The following FEZ2 variants were observed in gnomAD, a reference collection of about 807,000 sequenced individuals.
FEZ2 encodes fasciculation and elongation protein zeta-2.
A neutral mutation model predicts 40.4 loss-of-function variants in FEZ2; 51 were observed. The observed-to-expected ratio is 1.26, with a 90% CI of 1.01 to 1.59. FEZ2 has a LOEUF of 1.59. FEZ2 is among the 40% of genes most tolerant of loss of function. FEZ2 has a pLI of 0.00. For missense variants in FEZ2, 640 were observed against 438.3 expected (o/e 1.46, Z -4.11); for synonymous variants, 242 against 172.0 (o/e 1.41, Z -3.18).
chr2:36,597,359 T>C (rs1377978121), intron 1 of FEZ2, among the ~76,000 whole-genome samples: 1 of 152,232 alleles, frequency 6.6e-6, no homozygotes, highest in Non-Finnish European at 1.5e-5. Context: ...TCACATTTGG[T>C]ACATATAACC....
chr2:36,589,300 T>C (rs912969679), intron 2 of FEZ2, among the ~76,000 whole-genome samples: 2 of 152,210 alleles, frequency 1.3e-5, no homozygotes, highest in South Asian at 4.1e-4. Flanking sequence ...CTAAACCCCG[T>C]GGCACAGATA....
intron 4 of FEZ2, 37 bp from the exon 5 acceptor site, chr2:36,578,902 A>C: frequency 6.4e-7 from 1 of 1,573,836 alleles, no homozygotes; most frequent in Non-Finnish European, 8.6e-7. Flanking sequence ...ATATTAAGAC[A>C]AAAACATTTC....
chr2:36,593,069 A>G (rs951938415), intron 1 of FEZ2, among the ~76,000 whole-genome samples: 1 of 152,224 alleles, frequency 6.6e-6, no homozygotes, highest in African/African-American at 2.4e-5. Flanking sequence ...TTCCTGGATA[A>G]GAAATTTTCA....
chr2:36,590,329 A>T (rs1051058256), intron 2 of FEZ2: 2 of 150,296 alleles, frequency 1.3e-5, no homozygotes, highest in African/African-American at 5.0e-5. Context: ...TATTAAACCA[A>T]AGGCTAGCAT....
At chr2:36,575,733 C>A (rs553656670) in intron 5 of FEZ2, among the ~76,000 whole-genome samples, 1 of 151,470 alleles carries the variant, frequency 6.6e-6, no homozygotes, top group South Asian at 2.1e-4. Flanking sequence ...TTCACCACAA[C>A]AAATATTTAA....
chr2:36,567,697 G>C (rs928977342), intron 5 of FEZ2, among the ~76,000 whole-genome samples: 1 of 151,870 alleles, frequency 6.6e-6, no homozygotes, highest in Non-Finnish European at 1.5e-5. Context: ...GGGAGGCGGA[G>C]GTTGCAGTGA....
At chr2:36,593,065 G>C (rs1669115486) in intron 1 of FEZ2, among the ~76,000 whole-genome samples, 1 of 152,138 alleles carries the variant, frequency 6.6e-6, no homozygotes, top group African/African-American at 2.4e-5. Flanking sequence ...TACCTTCCTG[G>C]ATAAGAAATT....
chr2:36,563,881 C>T (rs929913451), intron 5 of FEZ2, among the ~76,000 whole-genome samples: 4 of 152,218 alleles, frequency 2.6e-5, no homozygotes. Context: ...CCCAACCCTC[C>T]TGCTCTCTAG....
At chr2:36,557,447 G>A (rs1667986133) in intron 6 of FEZ2, 1 of 152,162 alleles carries the variant, frequency 6.6e-6, no homozygotes, top group African/African-American at 2.4e-5. Context: ...TAAGACACTT[G>A]CTTCTACTCT....
chr2:36,596,082 C>G (rs1669213744), intron 1 of FEZ2, among the ~76,000 whole-genome samples: 1 of 152,198 alleles, frequency 6.6e-6, no homozygotes, highest in African/African-American at 2.4e-5. Context: ...ATTATCTTCT[C>G]TTTGGGAACA....
chr2:36,589,449 A>G (rs969108583), intron 2 of FEZ2, among the ~76,000 whole-genome samples: 4 of 152,236 alleles, frequency 2.6e-5, no homozygotes, highest in Non-Finnish European at 2.9e-5. Context: ...ATTCCCCCCA[A>G]GTGAGAGGCT....
chr2:36,583,265 C>T (rs1477304896), intron 3 of FEZ2, 88 bp downstream of exon 3: 1 of 715,830 alleles, frequency 1.4e-6, no homozygotes, highest in South Asian at 1.6e-5. Flanking sequence ...ATAAGTAAAC[C>T]AACAGCCATC....
At chr2:36,562,750 C>T (rs1026293327) in intron 5 of FEZ2, among the ~76,000 whole-genome samples, 1 of 152,190 alleles carries the variant, frequency 6.6e-6, no homozygotes, top group Non-Finnish European at 1.5e-5. Context: ...ACATCTTAGG[C>T]TTCAGAGTAT....
At chr2:36,566,586 T>C (rs928104793) in intron 5 of FEZ2, among the ~76,000 whole-genome samples, 3 of 152,222 alleles carry the variant, frequency 2.0e-5, no homozygotes, top group Non-Finnish European at 4.4e-5. Flanking sequence ...TGACTTAACC[T>C]GCAAAACGCT....
intron 2 of FEZ2, among the ~76,000 whole-genome samples, chr2:36,586,660 C>G (rs982196766): frequency 3.3e-5 from 5 of 151,694 alleles, no homozygotes; most frequent in Non-Finnish European, 7.4e-5. Flanking sequence ...CTAAGGAAGC[C>G]CAGGTTGCCA....
chr2:36,597,820 G>C, intron 1 of FEZ2, 57 bp downstream of exon 1: 2 of 1,264,744 alleles, frequency 1.6e-6, no homozygotes, highest in South Asian at 2.2e-5. Flanking sequence ...AGGGCTGCCG[G>C]TCGGGCGAGG....
At chr2:36,554,000 T>C (rs922630575) in intron 7 of FEZ2, among the ~76,000 whole-genome samples, 1 of 152,148 alleles carries the variant, frequency 6.6e-6, no homozygotes, top group Non-Finnish European at 1.5e-5. Flanking sequence ...TAAATACATC[T>C]CCACATTGCA....
intron 3 of FEZ2, among the ~76,000 whole-genome samples, chr2:36,582,488 G>C (rs1668777979): frequency 6.6e-6 from 1 of 152,136 alleles, no homozygotes; most frequent in African/African-American, 2.4e-5. Flanking sequence ...TATTAGGCAG[G>C]TCAGTGAGGG....
chr2:36,557,587 C>T (rs1441526695), intron 6 of FEZ2: 1 of 152,112 alleles, frequency 6.6e-6, no homozygotes, highest in Non-Finnish European at 1.5e-5. Context: ...ATAACAAAGA[C>T]CTAACAGATC....
Sources: allele counts gnomAD v4.1 joint callset (sites outside exome capture counted in the v4.1 genomes callset), GRCh38; gene constraint gnomAD v4.1.1; transcripts MANE v1.5; gene names NCBI Gene and HGNC (gene_info 2026-07-23, HGNC 2026-07-21).